Variants in MSI2 observed in about 807,000 individuals in gnomAD.
MSI2 encodes the protein musashi RNA binding protein 2.
Under a neutral mutation model 45.6 loss-of-function variants are expected in MSI2, and 17 were observed. That is an observed-to-expected ratio of 0.37 (90% CI 0.26 to 0.56). The LOEUF is 0.56. Among genes scored for constraint, MSI2 ranks in the 20% least tolerant of loss-of-function variants. MSI2 has a pLI of 0.77. For missense variants in MSI2, 293 were observed against 444.2 expected, an observed-to-expected ratio of 0.66 and a Z score of 3.06; for synonymous variants, 156 against 158.2, an observed-to-expected ratio of 0.99 and a Z score of 0.11.
At chr17:57,275,565 T>A (rs1908765607) in intron 5 of MSI2, among the ~76,000 whole-genome samples, 1 of 152,180 alleles carries the variant, frequency 6.6e-6, no homozygotes, top group South Asian at 2.1e-4. Context: ...TTGTCGGGGC[T>A]GGGAAAGCCC....
intron 5 of MSI2, among the ~76,000 whole-genome samples, chr17:57,306,105 T>A (rs1911862125): frequency 6.6e-6 from 1 of 152,098 alleles, no homozygotes; most frequent in South Asian, 2.1e-4. Flanking sequence ...GAGAGAAGCC[T>A]GGCCTTTGCT....
intron 5 of MSI2, chr17:57,267,326 TAAG>T (rs1436025453): frequency 3.9e-5 from 6 of 152,462 alleles, no homozygotes; most frequent in Admixed American, 6.5e-5. Context: ...GGTGTCAGCT[TAAG>T]GAGGAGGGGC....
chr17:57,331,185 A>T (rs544443635), intron 5 of MSI2, among the ~76,000 whole-genome samples: 64 of 152,144 alleles, frequency 4.2e-4, no homozygotes, highest in Admixed American at 9.2e-4. Flanking sequence ...AAGTGCTGGG[A>T]TTACAGGCGT....
chr17:57,501,790 T>C (rs980957021), intron 6 of MSI2, among the ~76,000 whole-genome samples: 1 of 152,274 alleles, frequency 6.6e-6, no homozygotes, highest in African/African-American at 2.4e-5. Context: ...CCTGCTCTTA[T>C]AGACACAGTC....
Position 57,401,246 on chromosome 17 carries a change from G to A in MSI2, c.313-133G>A, listed in dbSNP as rs1034923788. On this transcript the variant is annotated intron_variant, in intron 5 of 13. Transcript: ENST00000284073. ...AGCATCCTTAGACATCTAAACGCCC[G>A]CGCCATGCAGCTTGAATATATCTAA... 4.4e-5 allele frequency: 31 copies of A among 702,900 alleles called. 1 individual carries two copies. The highest frequency in any genetic ancestry group is 3.9e-4 in the South Asian group (23 of 59,370). 43.5% of individuals were successfully genotyped at this position (702,900 alleles called of 1,614,324 possible).
At chr17:57,313,177 T>C (rs143582465) in intron 5 of MSI2, among the ~76,000 whole-genome samples, 117 of 152,298 alleles carry the variant, frequency 7.7e-4, no homozygotes, top group Middle Eastern at 3.4e-3. Flanking sequence ...ATACAGACTT[T>C]CTCTGCTTGC....
At chr17:57,440,134 G>A (rs1466162000) in intron 6 of MSI2, among the ~76,000 whole-genome samples, 1 of 152,126 alleles carries the variant, frequency 6.6e-6, no homozygotes, top group Non-Finnish European at 1.5e-5. Context: ...AACTGTGCTT[G>A]AAAGGGTGGG....
At chr17:57,453,775 G>A (rs541547974) in intron 6 of MSI2, among the ~76,000 whole-genome samples, 2 of 152,204 alleles carry the variant, frequency 1.3e-5, no homozygotes, top group Non-Finnish European at 1.5e-5. Flanking sequence ...TGCAACCTCC[G>A]GCATAAATGG....
rs565239654 is a variant in MSI2, at chr17:57,572,873, C to T, written c.455-23995C>T. 3.5e-4 allele frequency among the ~76,000 whole-genome samples: 53 copies of T among 152,272 alleles called. 1 individual carries two copies. Among genetic ancestry groups the T allele is most frequent in the Middle Eastern group, 3.4e-3 (1 of 294 alleles). ...TTGTAAACTCTATTTTTAACTAAAC[C>T]GAGTGGAGATCAGGCTGAGATGGCT... On this transcript the variant is annotated intron_variant, in intron 7 of 13. Coordinates refer to ENST00000284073, the MANE Select transcript of MSI2 (RefSeq NM_138962.4).
At chr17:57,272,038 C>T (rs1432592414) in intron 5 of MSI2, among the ~76,000 whole-genome samples, 4 of 152,002 alleles carry the variant, frequency 2.6e-5, no homozygotes, top group African/African-American at 7.3e-5. Flanking sequence ...ATGAGGTGAC[C>T]GCTCTGGTGG....
chr17:57,358,197 GT>G (rs1916571197), intron 5 of MSI2, among the ~76,000 whole-genome samples: 1 of 70,362 alleles, frequency 1.4e-5, no homozygotes, highest in South Asian at 5.6e-4. Flanking sequence ...TTCTGTGTGT[GT>G]GGGGGGGTGT....
chr17:57,537,363 G>T (rs1166874840), intron 7 of MSI2, among the ~76,000 whole-genome samples: 1 of 152,210 alleles, frequency 6.6e-6, no homozygotes, highest in African/African-American at 2.4e-5. Context: ...GAGGGCAAAG[G>T]AGGGGGTGGG....
At chr17:57,667,492 G>A (rs1375528506) in intron 11 of MSI2, among the ~76,000 whole-genome samples, 2 of 152,146 alleles carry the variant, frequency 1.3e-5, no homozygotes, top group Admixed American at 6.5e-5. Context: ...CACACAAGCA[G>A]GACAAGCCCC....
chr17:57,661,445 G>C (rs1911984206), intron 11 of MSI2, among the ~76,000 whole-genome samples: 1 of 152,154 alleles, frequency 6.6e-6, no homozygotes, highest in South Asian at 2.1e-4. Flanking sequence ...AAGCCATGTT[G>C]ATATAGTCAC....
intron 7 of MSI2, among the ~76,000 whole-genome samples, chr17:57,558,318 T>TA (rs1457734258): frequency 2.6e-5 from 4 of 152,082 alleles, no homozygotes; most frequent in African/African-American, 4.8e-5. Flanking sequence ...AAAAGGCAGT[T>TA]AACGATCTGG....
At chr17:57,329,429 TA>T (rs1321872356) in intron 5 of MSI2, among the ~76,000 whole-genome samples, 1 of 152,218 alleles carries the variant, frequency 6.6e-6, no homozygotes, top group Non-Finnish European at 1.5e-5. Context: ...CTTCTAACAA[TA>T]CCCCTGTGTG....
At chr17:57,266,125 A>T (rs1395228003) in intron 5 of MSI2, 1 of 152,148 alleles carries the variant, frequency 6.6e-6, no homozygotes, top group African/African-American at 2.4e-5. Flanking sequence ...TGATGCAGGG[A>T]GATCTCACTT....
chr17:57,359,496 A>G (rs1213354191), intron 5 of MSI2, among the ~76,000 whole-genome samples: 1 of 152,130 alleles, frequency 6.6e-6, no homozygotes, highest in Non-Finnish European at 1.5e-5. Flanking sequence ...TATAAAATGG[A>G]TGTCCCAGTA....
intron 5 of MSI2, among the ~76,000 whole-genome samples, chr17:57,355,793 G>A (rs993322837): frequency 3.9e-5 from 6 of 152,184 alleles, no homozygotes; most frequent in African/African-American, 1.4e-4. Flanking sequence ...TAACCTTTCT[G>A]AGACTTAGTT....
Sources: allele counts gnomAD v4.1 joint callset (sites outside exome capture counted in the v4.1 genomes callset), GRCh38; gene constraint gnomAD v4.1.1; transcripts MANE v1.5; gene names NCBI Gene and HGNC (gene_info 2026-07-23, HGNC 2026-07-21).